The following ADAM18 variants were observed in gnomAD, a reference collection of about 807,000 sequenced individuals.
ADAM18 encodes ADAM metallopeptidase domain 18, also known as disintegrin and metalloproteinase domain-containing protein 18.
Under a neutral mutation model 94.4 loss-of-function variants are expected in ADAM18, and 117 were observed. That is an observed-to-expected ratio of 1.24 (90% CI 1.07 to 1.45). ADAM18 has a LOEUF of 1.45. ADAM18 is among the 40% of genes most tolerant of loss of function. The pLI is 0.00. For missense variants in ADAM18, 936 were observed against 880.0 expected, an observed-to-expected ratio of 1.06 and a Z score of -0.81; for synonymous variants, 327 against 291.6, an observed-to-expected ratio of 1.12 and a Z score of -1.24.
At chr8:39,674,754 C>T (rs1230550229) in intron 14 of ADAM18, among the ~76,000 whole-genome samples, 4 of 152,272 alleles carry the variant, frequency 2.6e-5, no homozygotes, top group East Asian at 3.9e-4. Context: ...TTTGTAGTGG[C>T]TAGTACCAGT....
intron 15 of ADAM18, among the ~76,000 whole-genome samples, chr8:39,678,205 C>G (rs964940026): frequency 6.6e-6 from 1 of 152,106 alleles, no homozygotes; most frequent in Non-Finnish European, 1.5e-5. Flanking sequence ...ATAATTAATT[C>G]AGGAAGAAGC....
At position 39,645,386 on chromosome 8, in the gene ADAM18, C is replaced by T; in HGVS notation, c.958C>T (p.Leu320=). ...LEGFSVIIAQ[L]LGLNVGLTYD... Reference sequence around the variant, plus strand: ...GGGATTTTCGGTTATTATAGCTCAACTGCTTGGCCTTAATGTAGGATTAAC... The same window carrying T: ...GGGATTTTCGGTTATTATAGCTCAATTGCTTGGCCTTAATGTAGGATTAAC... Residue 320 remains leucine (L), a synonymous_variant, in exon 11 of 20, where the codon CTG becomes TTG. Coordinates refer to ENST00000265707, the MANE Select transcript of ADAM18 (RefSeq NM_014237.3). The T allele has an allele frequency of 6.2e-7, 1 of 1,612,546 alleles. No individual in the cohort carries two copies. Among genetic ancestry groups the T allele is most frequent in the South Asian group, 1.1e-5 (1 of 90,910 alleles).
intron 10 of ADAM18, among the ~76,000 whole-genome samples, chr8:39,639,722 T>C (rs948358212): frequency 1.3e-5 from 2 of 152,068 alleles, no homozygotes; most frequent in Non-Finnish European, 2.9e-5. Flanking sequence ...AATTGCATTA[T>C]ATTGATTTGC....
At chr8:39,645,531 G>A (rs892578898) in intron 11 of ADAM18, 57 bp downstream of exon 11, 4 of 1,514,858 alleles carry the variant, frequency 2.6e-6, no homozygotes, top group Non-Finnish European at 3.6e-6. Context: ...TTTCCAAAAT[G>A]TGATAATGTT....
At chr8:39,665,388 A>C (rs1336556277) in intron 13 of ADAM18, among the ~76,000 whole-genome samples, 1 of 152,202 alleles carries the variant, frequency 6.6e-6, no homozygotes, top group Non-Finnish European at 1.5e-5. Context: ...TGGTGATGAA[A>C]ATATGGCTAC....
At chr8:39,625,130 G>A (rs1332223918) in intron 6 of ADAM18, among the ~76,000 whole-genome samples, 2 of 152,026 alleles carry the variant, frequency 1.3e-5, no homozygotes, top group Non-Finnish European at 2.9e-5. Flanking sequence ...GATTGCTTTC[G>A]GCAGTATGGT....
At chr8:39,586,380 G>C (rs1307483335) in intron 2 of ADAM18, among the ~76,000 whole-genome samples, 1 of 152,154 alleles carries the variant, frequency 6.6e-6, no homozygotes, top group East Asian at 1.9e-4. Flanking sequence ...TTAGCATGTA[G>C]AGTCTAATCT....
chr8:39,703,735 G>A (rs559195268), intron 17 of ADAM18, among the ~76,000 whole-genome samples: 1 of 151,928 alleles, frequency 6.6e-6, no homozygotes, highest in East Asian at 1.9e-4. Context: ...AGGAAATTGA[G>A]ACACACACAA....
At chr8:39,589,675 AT>A (rs1409056382) in intron 2 of ADAM18, among the ~76,000 whole-genome samples, 1 of 151,658 alleles carries the variant, frequency 6.6e-6, no homozygotes, top group Non-Finnish European at 1.5e-5. Context: ...TATTATTAAT[AT>A]TTTTATTAGA....
chr8:39,595,674 A>T (rs977774085), intron 2 of ADAM18, among the ~76,000 whole-genome samples: 1 of 151,878 alleles, frequency 6.6e-6, no homozygotes, highest in Non-Finnish European at 1.5e-5. Context: ...GGTGCACACC[A>T]CCATACCTGG....
At chr8:39,612,973 C>T (rs1819321619) in intron 6 of ADAM18, among the ~76,000 whole-genome samples, 1 of 152,106 alleles carries the variant, frequency 6.6e-6, no homozygotes, top group African/African-American at 2.4e-5. Context: ...CAGCCTCACC[C>T]CTGCCAGTAC....
chr8:39,694,834 T>C (rs1049902190), intron 17 of ADAM18, among the ~76,000 whole-genome samples: 5 of 151,576 alleles, frequency 3.3e-5, no homozygotes, highest in Admixed American at 3.3e-4. Context: ...CCTAAAAATA[T>C]ATAGGTCTTT....
chr8:39,658,594 T>C (rs1820749321), intron 12 of ADAM18, among the ~76,000 whole-genome samples: 1 of 152,160 alleles, frequency 6.6e-6, no homozygotes, highest in Non-Finnish European at 1.5e-5. Context: ...TTTTAGCTCA[T>C]TGGACTTCTA....
intron 12 of ADAM18, among the ~76,000 whole-genome samples, chr8:39,663,116 G>C (rs541925373): frequency 5.9e-4 from 90 of 152,088 alleles, no homozygotes; most frequent in Admixed American, 1.1e-3. Flanking sequence ...TGAGACCCTT[G>C]AGAAAAGTTT....
intron 2 of ADAM18, among the ~76,000 whole-genome samples, chr8:39,591,022 T>A (rs1818556077): frequency 1.3e-5 from 2 of 152,222 alleles, no homozygotes; most frequent in South Asian, 4.1e-4. Flanking sequence ...GTATACTATA[T>A]ACTATAGTTT....
chr8:39,728,596 A>C (rs553987346), intron 19 of ADAM18, among the ~76,000 whole-genome samples: 1 of 152,340 alleles, frequency 6.6e-6, no homozygotes, highest in African/African-American at 2.4e-5. Context: ...TAAATATGAC[A>C]TACAACATAT....
chr8:39,609,386 T>C (rs1819194139), intron 4 of ADAM18, 99 bp from the exon 5 acceptor site: 1 of 791,638 alleles, frequency 1.3e-6, no homozygotes, highest in South Asian at 1.9e-5. Context: ...ATGATCTTAT[T>C]ATTAAATCTT....
At chr8:39,626,140 G>A (rs1819761915) in intron 6 of ADAM18, among the ~76,000 whole-genome samples, 1 of 152,142 alleles carries the variant, frequency 6.6e-6, no homozygotes. Flanking sequence ...ATTCAAGCTA[G>A]TAGGGTTGTG....
At chr8:39,585,537 C>A (rs184045246) in intron 2 of ADAM18, among the ~76,000 whole-genome samples, 185 bp downstream of exon 2, 2 of 152,254 alleles carry the variant, frequency 1.3e-5, no homozygotes, top group African/African-American at 4.8e-5. Flanking sequence ...ATTTCCCTGT[C>A]TTTTCTCTTC....
Sources: allele counts gnomAD v4.1 joint callset (sites outside exome capture counted in the v4.1 genomes callset), GRCh38; gene constraint gnomAD v4.1.1; transcripts MANE v1.5; gene names NCBI Gene and HGNC (gene_info 2026-07-23, HGNC 2026-07-21).